Variants in ELAPOR2 observed in about 807,000 individuals in gnomAD.
ELAPOR2 encodes endosome-lysosome associated apoptosis and autophagy regulator family member 2, also known as endosome/lysosome-associated apoptosis and autophagy regulator family member 2.
Under a neutral mutation model 120.7 loss-of-function variants are expected in ELAPOR2, and 89 were observed. The ratio of observed to expected loss-of-function variants is 0.74; its 90% CI spans 0.62 to 0.88. ELAPOR2 has a LOEUF of 0.88. Among genes scored for constraint, ELAPOR2 ranks in the 40% least tolerant of loss-of-function variants. ELAPOR2 has a pLI of 0.00. For synonymous variants in ELAPOR2, 444 were observed against 444.9 expected (o/e 1.00, Z 0.03); for missense variants, 1,134 against 1,251.6 (o/e 0.91, Z 1.42).
chr7:86,945,603 G>A (rs1277324153), intron 3 of ELAPOR2, among the ~76,000 whole-genome samples: 1 of 152,048 alleles, frequency 6.6e-6, no homozygotes, highest in African/African-American at 2.4e-5. Context: ...GTATTGTAGG[G>A]TTTATAACAT....
chr7:86,985,838 C>T (rs1344854551), intron 1 of ELAPOR2, among the ~76,000 whole-genome samples: 1 of 151,572 alleles, frequency 6.6e-6, no homozygotes, highest in African/African-American at 2.4e-5. Flanking sequence ...CCACAACAGG[C>T]CCCAGTGTGT....
chr7:86,892,082 T>C (rs919412491), intron 20 of ELAPOR2, among the ~76,000 whole-genome samples, 193 bp from the exon 21 acceptor site: 2 of 152,016 alleles, frequency 1.3e-5, no homozygotes, highest in African/African-American at 4.8e-5. Flanking sequence ...AAGAAATATT[T>C]CCCAGGATGT....
chr7:87,049,449 T>A lies in ELAPOR2; in HGVS notation c.189+9876A>T, dbSNP rs147624130. ...GGCTCCCGCCACCATGCCTGGCTAA[T>A]TTTTTGTATTTTTTTGTAGAGACGG... On this transcript the variant is annotated intron_variant, in intron 1 of 21. Coordinates refer to ENST00000450689, the MANE Select transcript of ELAPOR2 (RefSeq NM_001142749.3). Among the ~76,000 whole-genome samples the A allele has an allele frequency of 6.1e-4, 93 of 152,120 alleles. 1 individual carries two copies. The East Asian group carries it at 0.014, about 23-fold the overall frequency.
intron 1 of ELAPOR2, among the ~76,000 whole-genome samples, chr7:87,053,038 T>G (rs1292488647): frequency 1.3e-5 from 2 of 152,108 alleles, no homozygotes; most frequent in African/African-American, 4.8e-5. Context: ...GCTCAAGTGA[T>G]TTACCTACCT....
intron 21 of ELAPOR2, among the ~76,000 whole-genome samples, chr7:86,881,037 C>G (rs1799374884): frequency 6.6e-6 from 1 of 151,992 alleles, no homozygotes; most frequent in Middle Eastern, 3.2e-3. Context: ...AGGTATATGC[C>G]TATTAAAGAT....
At chr7:86,895,049 A>G (rs1788374793) in intron 19 of ELAPOR2, among the ~76,000 whole-genome samples, 1 of 152,116 alleles carries the variant, frequency 6.6e-6, no homozygotes, top group South Asian at 2.1e-4. Flanking sequence ...GTGCACGCTC[A>G]ATCAACATAA....
At chr7:86,987,077 C>G (rs1012570358) in intron 1 of ELAPOR2, among the ~76,000 whole-genome samples, 3 of 151,578 alleles carry the variant, frequency 2.0e-5, no homozygotes, top group East Asian at 1.9e-4. Flanking sequence ...ACAAACCTGA[C>G]AAAAACAAGA....
chr7:86,973,248 C>T lies in ELAPOR2; in HGVS notation c.190-8224G>A, dbSNP rs116562956. Reference sequence around the variant, plus strand: ...TACAATCTTGGATTGCATAAAATGCCTTTTTCAATTCATTCTCGATCTGCT... The same window carrying T: ...TACAATCTTGGATTGCATAAAATGCTTTTTTCAATTCATTCTCGATCTGCT... On this transcript the variant is annotated intron_variant, in intron 1 of 21. Transcript: ENST00000450689. 4.9e-3 allele frequency among the ~76,000 whole-genome samples: 739 copies of T among 152,218 alleles called. 8 individuals are homozygous for T. The highest frequency in any genetic ancestry group is 0.017 in the African/African-American group (709 of 41,542).
chr7:86,971,461 A>T (rs1792106007), intron 1 of ELAPOR2, among the ~76,000 whole-genome samples: 1 of 152,232 alleles, frequency 6.6e-6, no homozygotes, highest in Admixed American at 6.5e-5. Context: ...TAAAACCCTC[A>T]TCGAAGATAA....
chr7:87,057,467 A>G (rs775796589), intron 1 of ELAPOR2, among the ~76,000 whole-genome samples: 3 of 152,234 alleles, frequency 2.0e-5, no homozygotes, highest in Non-Finnish European at 4.4e-5. Context: ...GTGCATTAAC[A>G]TTTATAAAAA....
chr7:86,906,015 C>T (rs904286279), intron 18 of ELAPOR2, among the ~76,000 whole-genome samples: 1 of 152,064 alleles, frequency 6.6e-6, no homozygotes, highest in African/African-American at 2.4e-5. Context: ...GATGTGTTTC[C>T]TAAAGGACAG....
Position 86,953,079 on chromosome 7 carries a change from G to T in ELAPOR2, c.311-5157C>A, listed in dbSNP as rs142754837. On this transcript the variant is annotated intron_variant, in intron 2 of 21. Coordinates refer to ENST00000450689, the MANE Select transcript of ELAPOR2 (RefSeq NM_001142749.3). ...CCACTGCACCCCAGCCTGGGCAACAGAGCAAGCCTCTGTCAAAAAAAAAAA... is the reference window on the plus strand; with the variant it reads ...CCACTGCACCCCAGCCTGGGCAACATAGCAAGCCTCTGTCAAAAAAAAAAA... Among the ~76,000 whole-genome samples, 874 of 143,062 alleles carry T rather than the reference G, an allele frequency of 6.1e-3. 10 individuals carry two copies. Among genetic ancestry groups the T allele is most frequent in the African/African-American group, 0.021 (813 of 38,484 alleles). 93.9% of individuals were successfully genotyped at this position (143,062 alleles called of 152,430 possible).
At chr7:86,883,009 G>A (rs571749585) in intron 21 of ELAPOR2, among the ~76,000 whole-genome samples, 90 of 148,876 alleles carry the variant, frequency 6.0e-4, no homozygotes, top group African/African-American at 2.3e-3. Flanking sequence ...CATACTGGAT[G>A]ATCGTTTGAA....
chr7:87,053,076 G>T (rs1795162398), intron 1 of ELAPOR2, among the ~76,000 whole-genome samples: 1 of 152,144 alleles, frequency 6.6e-6, no homozygotes, highest in Non-Finnish European at 1.5e-5. Context: ...GGGATTACAG[G>T]TGTGGGCCAC....
At chr7:86,952,028 A>G (rs927089451) in intron 2 of ELAPOR2, among the ~76,000 whole-genome samples, 4 of 152,232 alleles carry the variant, frequency 2.6e-5, no homozygotes, top group African/African-American at 9.6e-5. Context: ...ACATAGTACT[A>G]AATAAACCAC....
intron 1 of ELAPOR2, among the ~76,000 whole-genome samples, chr7:87,023,844 A>C (rs755905502): frequency 3.9e-5 from 6 of 152,094 alleles, no homozygotes; most frequent in African/African-American, 1.2e-4. Flanking sequence ...ATGGGAGTTT[A>C]CTCATGATTT....
intron 18 of ELAPOR2, among the ~76,000 whole-genome samples, chr7:86,901,416 A>G (rs1788719456): frequency 6.6e-6 from 1 of 152,228 alleles, no homozygotes; most frequent in African/African-American, 2.4e-5. Flanking sequence ...TCTTTTAAAT[A>G]AATCTTTCCT....
intron 8 of ELAPOR2, among the ~76,000 whole-genome samples, chr7:86,934,357 A>G (rs1243442336): frequency 6.6e-6 from 1 of 152,016 alleles, no homozygotes. Context: ...GCCTTACTGT[A>G]TACATTAGAA....
intron 19 of ELAPOR2, 45 bp downstream of exon 19, chr7:86,897,461 A>C (rs1182987155): frequency 6.3e-7 from 1 of 1,587,884 alleles, no homozygotes; most frequent in Non-Finnish European, 8.6e-7. Context: ...TGCCAGATTA[A>C]CCAACTATAA....
Sources: gnomAD v4.1 joint callset for allele counts (sites outside exome capture counted in the v4.1 genomes callset) on GRCh38, gnomAD v4.1.1 for gene constraint, MANE v1.5 for transcripts, NCBI Gene and HGNC (gene_info 2026-07-23, HGNC 2026-07-21) for gene names.